Variants in ABHD17C observed in about 807,000 individuals in gnomAD.
ABHD17C encodes alpha/beta hydrolase domain-containing protein 17C.
A neutral mutation model predicts 27.9 loss-of-function variants in ABHD17C; 11 were observed. That is an observed-to-expected ratio of 0.39 (90% CI 0.25 to 0.65). The LOEUF (loss-of-function observed/expected upper bound fraction) is 0.65. ABHD17C is among the 30% of genes least tolerant of loss of function. The probability of loss-of-function intolerance (pLI) is 0.45; values close to 1 mark genes in which losing one functional copy is unlikely to be tolerated. For synonymous variants in ABHD17C, 233 were observed against 209.1 expected (o/e 1.11, Z -0.98); for missense variants, 280 against 470.2 (o/e 0.60, Z 3.74).
rs370193423 is a variant in ABHD17C, at chr15:80,706,471, G to A, written c.590+10452G>A. On this transcript the variant is annotated intron_variant, in intron 1 of 2. Coordinates refer to ENST00000258884, the MANE Select transcript of ABHD17C (RefSeq NM_021214.2). ...AAAGGAAAAACGAGCGTAGAGAACC[G>A]CCAGTACTGATGATTAGTTTGCTCC... 7.8e-4 allele frequency among the ~76,000 whole-genome samples: 118 copies of A among 152,248 alleles called. 1 individual carries two copies. Among genetic ancestry groups the A allele is most frequent in the African/African-American group, 2.6e-3 (106 of 41,536 alleles).
chr15:80,697,626 CT>C (rs35478204), intron 1 of ABHD17C, among the ~76,000 whole-genome samples: 110 of 145,580 alleles, frequency 7.6e-4, no homozygotes, highest in East Asian at 8.0e-4. Context: ...TTCCTGGAAA[CT>C]TTTTTTTTTT....
intron 1 of ABHD17C, chr15:80,702,736 A>C (rs1291558222): frequency 6.6e-6 from 1 of 152,190 alleles, no homozygotes; most frequent in African/African-American, 2.4e-5. Flanking sequence ...CTCGTGTTGA[A>C]ACTATAAATC....
chr15:80,710,836 C>G (rs1894719404), intron 1 of ABHD17C, among the ~76,000 whole-genome samples: 1 of 152,056 alleles, frequency 6.6e-6, no homozygotes, highest in Non-Finnish European at 1.5e-5. Flanking sequence ...CTCTGCCTCC[C>G]TAAGTGCTGG....
intron 1 of ABHD17C, among the ~76,000 whole-genome samples, chr15:80,738,101 G>T (rs1168672232): frequency 6.6e-6 from 1 of 152,122 alleles, no homozygotes; most frequent in African/African-American, 2.4e-5. Flanking sequence ...GAAGTCAGCT[G>T]TGGGCATTGA....
chr15:80,733,230 C>G (rs76646262), intron 1 of ABHD17C, among the ~76,000 whole-genome samples: 247 of 152,298 alleles, frequency 1.6e-3, no homozygotes, highest in Non-Finnish European at 2.7e-3. Flanking sequence ...ACCACATACT[C>G]CAGGTTACTT....
intron 1 of ABHD17C, among the ~76,000 whole-genome samples, chr15:80,745,760 G>T (rs1393996208): frequency 1.3e-5 from 2 of 152,072 alleles, no homozygotes; most frequent in African/African-American, 2.4e-5. Flanking sequence ...ACCAAAAACC[G>T]CCTGTACCCC....
intron 1 of ABHD17C, among the ~76,000 whole-genome samples, chr15:80,732,470 T>G (rs1419859331): frequency 6.6e-6 from 1 of 152,212 alleles, no homozygotes; most frequent in Non-Finnish European, 1.5e-5. Context: ...TGAAATAAAG[T>G]GGACCATCTG....
At chr15:80,752,193 G>A (rs1344523453) in intron 2 of ABHD17C, among the ~76,000 whole-genome samples, 3 of 152,124 alleles carry the variant, frequency 2.0e-5, no homozygotes, top group Admixed American at 1.3e-4. Context: ...CTTTTTAATT[G>A]TGTATAATTG....
At chr15:80,711,614 A>G (rs1044094203) in intron 1 of ABHD17C, among the ~76,000 whole-genome samples, 1 of 152,216 alleles carries the variant, frequency 6.6e-6, no homozygotes, top group Non-Finnish European at 1.5e-5. Flanking sequence ...TGAGAGAACC[A>G]TAATTACTTT....
At chr15:80,705,751 T>C (rs553200253) in intron 1 of ABHD17C, among the ~76,000 whole-genome samples, 1 of 152,290 alleles carries the variant, frequency 6.6e-6, no homozygotes, top group South Asian at 2.1e-4. Context: ...TTAGTTTTAT[T>C]TGTAGCTAAG....
In ABHD17C at chr15:80,749,606, G is replaced by T; in HGVS notation, c.684G>T (p.Ala228=). 6.2e-7 allele frequency: 1 copy of T among 1,613,868 alleles called. No homozygotes were observed. The highest frequency in any genetic ancestry group is 8.5e-7 in the Non-Finnish European group (1 of 1,179,862). Residue 228 remains alanine, a synonymous_variant, in exon 2 of 3, where the codon GCG becomes GCT. Coordinates refer to ENST00000258884, the MANE Select transcript of ABHD17C (RefSeq NM_021214.2). ...VDLASRYECA[A]VILHSPLMSG... is the part of the protein sequence containing the mutation. Reference sequence around the variant, plus strand: ...TGGCCTCGAGGTATGAATGCGCAGCGGTAATTCTCCATTCCCCTCTGATGT... The same window carrying T: ...TGGCCTCGAGGTATGAATGCGCAGCTGTAATTCTCCATTCCCCTCTGATGT...
At chr15:80,744,773 A>G (rs1333834750) in intron 1 of ABHD17C, among the ~76,000 whole-genome samples, 2 of 152,224 alleles carry the variant, frequency 1.3e-5, no homozygotes, top group Admixed American at 6.5e-5. Context: ...TGAAGACAAC[A>G]GTTATTACCA....
At chr15:80,732,652 A>G (rs199777624) in intron 1 of ABHD17C, among the ~76,000 whole-genome samples, 1 of 152,196 alleles carries the variant, frequency 6.6e-6, no homozygotes, top group Non-Finnish European at 1.5e-5. Context: ...ACGGGCACAA[A>G]GAGAGGATTA....
chr15:80,707,046 A>G (rs1894657691), intron 1 of ABHD17C, among the ~76,000 whole-genome samples: 1 of 152,254 alleles, frequency 6.6e-6, no homozygotes, highest in Admixed American at 6.5e-5. Flanking sequence ...GTAAAGGCCA[A>G]GGGAAAACTT....
intron 2 of ABHD17C, among the ~76,000 whole-genome samples, chr15:80,750,757 G>C (rs1180510246): frequency 2.0e-5 from 3 of 152,090 alleles, no homozygotes; most frequent in African/African-American, 7.2e-5. Context: ...GGGCTAATGT[G>C]CCTCTCAAAT....
In ABHD17C at chr15:80,696,044, C is replaced by T. The variant is rs763010360; in HGVS notation, c.590+25C>T. On this transcript the variant is annotated intron_variant, in intron 1 of 2. Transcript: ENST00000258884. ...GGTGAGCCTGCCGGGGTCGCCAGGC[C>T]TGACTTCCAGCTGTGGGGAGGCGGG... is the stretch of plus-strand genomic sequence containing the variant. The T allele has an allele frequency of 2.0e-6, 3 of 1,530,796 alleles. No individual in the cohort carries two copies. The South Asian group carries it at 3.5e-5, about 18-fold the overall frequency. The allele number at this position is 1,530,796 out of a possible 1,614,324, so 94.8% of individuals were successfully genotyped here.
intron 2 of ABHD17C, among the ~76,000 whole-genome samples, chr15:80,752,709 G>T (rs1895380895): frequency 6.6e-6 from 1 of 152,216 alleles, no homozygotes; most frequent in South Asian, 2.1e-4. Flanking sequence ...TATGGAAAGA[G>T]AAGTAAACTA....
chr15:80,743,933 TC>T (rs1468167673), intron 1 of ABHD17C, among the ~76,000 whole-genome samples: 1 of 152,224 alleles, frequency 6.6e-6, no homozygotes, highest in Non-Finnish European at 1.5e-5. Flanking sequence ...ACTGCCTTGT[TC>T]CAGACTGGTA....
chr15:80,723,705 A>C (rs1047199525), intron 1 of ABHD17C, among the ~76,000 whole-genome samples: 2 of 152,222 alleles, frequency 1.3e-5, no homozygotes, highest in African/African-American at 4.8e-5. Context: ...CACAACTTAA[A>C]GTCACATTGC....
Sources: gnomAD v4.1 joint callset for allele counts (sites outside exome capture counted in the v4.1 genomes callset) on GRCh38, gnomAD v4.1.1 for gene constraint, MANE v1.5 for transcripts, NCBI Gene and HGNC (gene_info 2026-07-23, HGNC 2026-07-21) for gene names.